PUDP: variants seen among roughly 807,000 people sequenced by gnomAD.
PUDP encodes pseudouridine 5'-phosphatase.
PUDP carries 8 observed loss-of-function variants against 9.4 expected under a neutral mutation model. That is an observed-to-expected ratio of 0.85 (90% CI 0.50 to 1.53). The LOEUF (loss-of-function observed/expected upper bound fraction) is 1.53, where lower values mean the gene tolerates loss of function less well. PUDP is among the 40% of genes most tolerant of loss of function. The pLI is 0.00. For missense variants in PUDP, 188 were observed against 189.7 expected (o/e 0.99, Z 0.05); for synonymous variants, 99 against 80.7 (o/e 1.23, Z -1.22).
At position 6,795,074 on chromosome X, in the gene PUDP, A is replaced by C. The variant is rs1045262027; in HGVS notation, c.*248-88608T>G. ...TTTACTTTTTAAACTTTAAAAAAAA[A>C]CCCTAAAACACAAACACATAACTTT... On this transcript the variant is annotated intron_variant and NMD_transcript_variant, in intron 3 of 3. Coordinates refer to the PUDP transcript ENST00000655425. 7.9e-4 allele frequency among the ~76,000 whole-genome samples: 87 copies of C among 109,471 alleles called. 1 individual carries two copies. Among genetic ancestry groups the C allele is most frequent in the African/African-American group, 2.7e-3 (80 of 30,085 alleles).
rs771714995 is a variant in PUDP at position 6,896,229 on chromosome X, G to A, written c.*247+80904C>T. On this transcript the variant is annotated intron_variant and NMD_transcript_variant, in intron 3 of 3. Coordinates refer to the PUDP transcript ENST00000655425. Reference sequence around the variant, plus strand: ...TATTGAATGGGTTGTTATGCATTGAGTTGTTGTCGTTGATCTGCACTTTCA... The same window carrying A: ...TATTGAATGGGTTGTTATGCATTGAATTGTTGTCGTTGATCTGCACTTTCA... 1.1e-3 allele frequency among the ~76,000 whole-genome samples: 121 copies of A among 111,332 alleles called. No homozygotes were observed. In the South Asian group the frequency reaches 0.012, roughly 11 times the overall value.
At chrX:7,121,964 T>C (rs1044773704) in intron 1 of PUDP, among the ~76,000 whole-genome samples, 1 of 111,886 alleles carries the variant, frequency 8.9e-6, no homozygotes, top group African/African-American at 3.3e-5. Flanking sequence ...GCAAGGAGGA[T>C]TGCTTGAGAC....
intron 1 of PUDP, among the ~76,000 whole-genome samples, chrX:7,142,641 A>ATTTTTTTTTTTTTTTTTTTTTTTTTTTT (rs57612819): frequency 1.2e-5 from 1 of 80,956 alleles, no homozygotes; most frequent in African/African-American, 4.9e-5. Flanking sequence ...GAGGACTCCA[A>ATTTTTTTTTTTTTTTTTTTTTTTTTTTT]TTTTTTTTTT....
intron 3 of PUDP, among the ~76,000 whole-genome samples, chrX:6,815,969 T>C (rs1926224698): frequency 1.9e-5 from 2 of 107,012 alleles, no homozygotes; most frequent in Admixed American, 2.1e-4. Flanking sequence ...CTATATTATA[T>C]ATAGTATATA....
chrX:7,074,218 C>G (rs1930826944), intron 3 of PUDP, among the ~76,000 whole-genome samples: 1 of 112,412 alleles, frequency 8.9e-6, no homozygotes, highest in African/African-American at 3.2e-5. Context: ...GCTGCCACAC[C>G]CGGCTGCGCA....
intron 1 of PUDP, among the ~76,000 whole-genome samples, chrX:6,717,954 T>G (rs1454131618): frequency 8.9e-6 from 1 of 112,045 alleles, no homozygotes; most frequent in East Asian, 2.8e-4. Flanking sequence ...ATATGATTAG[T>G]GATGTTGAGC....
intron 3 of PUDP, among the ~76,000 whole-genome samples, chrX:6,882,083 C>T (rs1927355521): frequency 9.3e-6 from 1 of 107,551 alleles, no homozygotes; most frequent in Non-Finnish European, 1.9e-5. Context: ...AAGCGATTCT[C>T]CTGCCTCAGC....
chrX:6,818,259 GAA>G (rs1474285217), intron 3 of PUDP, among the ~76,000 whole-genome samples: 1 of 111,981 alleles, frequency 8.9e-6, no homozygotes, highest in East Asian at 2.8e-4. Context: ...CAGAGCTGAG[GAA>G]AGTCTATAAA....
intron 1 of PUDP, among the ~76,000 whole-genome samples, chrX:7,130,679 G>A (rs781361419): frequency 4.6e-5 from 5 of 109,333 alleles, no homozygotes; most frequent in Non-Finnish European, 7.6e-5. Context: ...CCGGGTGCAC[G>A]GCTCGAGACC....
At chrX:7,056,209 C>T (rs1459915982) in intron 3 of PUDP, among the ~76,000 whole-genome samples, 1 of 112,581 alleles carries the variant, frequency 8.9e-6, no homozygotes, top group Non-Finnish European at 1.9e-5. Context: ...TGGAGGCAGA[C>T]TGACTTTTCT....
chrX:6,885,818 G>A (rs1017445967), intron 3 of PUDP, among the ~76,000 whole-genome samples: 8 of 112,337 alleles, frequency 7.1e-5, no homozygotes, highest in Non-Finnish European at 1.5e-4. Context: ...TATACATCAG[G>A]TATAGCAGGT....
At chrX:6,732,114 A>G (rs767689503) in intron 3 of PUDP, among the ~76,000 whole-genome samples, 1 of 111,912 alleles carries the variant, frequency 8.9e-6, no homozygotes, top group Admixed American at 9.5e-5. Flanking sequence ...TCAACAGTTC[A>G]GTTTATGATA....
At chrX:6,968,786 A>G (rs775950326) in intron 3 of PUDP, among the ~76,000 whole-genome samples, 1 of 110,480 alleles carries the variant, frequency 9.1e-6, no homozygotes, top group Non-Finnish European at 1.9e-5. Context: ...TACCCAGCTA[A>G]TTTTTGTATT....
At chrX:7,099,394 TTTTCCTC>T (rs1931663376) in intron 2 of PUDP, among the ~76,000 whole-genome samples, 2 of 112,572 alleles carry the variant, frequency 1.8e-5, no homozygotes. Flanking sequence ...CACATGCATT[TTTTCCTC>T]TAAAATTTGT....
chrX:7,051,425 A>G (rs1176700777), intron 3 of PUDP, among the ~76,000 whole-genome samples: 4 of 111,728 alleles, frequency 3.6e-5, no homozygotes, highest in Admixed American at 9.5e-5. Flanking sequence ...TACTGGGTAC[A>G]GTGCACACTG....
intron 3 of PUDP, among the ~76,000 whole-genome samples, chrX:6,899,465 C>T (rs762597411): frequency 9.0e-6 from 1 of 111,067 alleles, no homozygotes; most frequent in African/African-American, 3.3e-5. Flanking sequence ...CCCAGCTACT[C>T]GGGAGGCTGA....
intron 1 of PUDP, among the ~76,000 whole-genome samples, chrX:6,992,995 C>T (rs5935683): frequency 0.36 from 39,865 of 110,365 alleles, 5,372 homozygotes; most frequent in Non-Finnish European, 0.41. Flanking sequence ...AGTTTTTGAA[C>T]TCTTGGACCT....
intron 3 of PUDP, among the ~76,000 whole-genome samples, chrX:6,853,344 G>A (rs12687237): frequency 2.7e-5 from 3 of 110,178 alleles, no homozygotes; most frequent in South Asian, 7.8e-4. Context: ...TGGGAATTCC[G>A]GGCTCATGTT....
intron 3 of PUDP, among the ~76,000 whole-genome samples, chrX:6,750,856 G>A (rs977462218): frequency 1.3e-4 from 14 of 111,615 alleles, no homozygotes; most frequent in African/African-American, 4.6e-4. Flanking sequence ...AAATACAATT[G>A]CGGCCGGGCT....
Sources: allele counts gnomAD v4.1 joint callset (sites outside exome capture counted in the v4.1 genomes callset), GRCh38; gene constraint gnomAD v4.1.1; transcripts MANE v1.5; gene names NCBI Gene and HGNC (gene_info 2026-07-23, HGNC 2026-07-21).